ADGRL2: variants seen among roughly 807,000 people sequenced by gnomAD.
ADGRL2 encodes calcium-independent alpha-latrotoxin receptor 2.
A neutral mutation model predicts 157.4 loss-of-function variants in ADGRL2; 44 were observed. The ratio of observed to expected loss-of-function variants is 0.28; its 90% CI spans 0.22 to 0.36. The LOEUF (loss-of-function observed/expected upper bound fraction) is 0.36. Among genes scored for constraint, ADGRL2 ranks in the 10% least tolerant of loss-of-function variants. The pLI, the probability that ADGRL2 is intolerant of heterozygous loss-of-function variation, is 1.00. For missense variants in ADGRL2, 1,510 were observed against 1,768.9 expected, an observed-to-expected ratio of 0.85 and a Z score of 2.63; for synonymous variants, 585 against 624.7, an observed-to-expected ratio of 0.94 and a Z score of 0.95.
chr1:81,973,218 T>C (rs1173710761), intron 17 of ADGRL2, among the ~76,000 whole-genome samples: 1 of 152,176 alleles, frequency 6.6e-6, no homozygotes, highest in East Asian at 1.9e-4. Context: ...TGAATGCCTG[T>C]ATGAATTAAA....
intron 2 of ADGRL2, among the ~76,000 whole-genome samples, chr1:81,570,258 A>G (rs1052124098): frequency 1.2e-4 from 19 of 152,332 alleles, no homozygotes; most frequent in African/African-American, 4.3e-4. Context: ...TATTATTAGA[A>G]AAGTTAGACA....
At chr1:81,364,190 T>C (rs763092704) in intron 1 of ADGRL2, among the ~76,000 whole-genome samples, 1 of 147,994 alleles carries the variant, frequency 6.8e-6, no homozygotes, top group Non-Finnish European at 1.5e-5. Context: ...CAGAGGAAGG[T>C]TGAGCCTTGA....
At chr1:81,561,683 C>A (rs1437937205) in intron 2 of ADGRL2, among the ~76,000 whole-genome samples, 1 of 152,070 alleles carries the variant, frequency 6.6e-6, no homozygotes, top group African/African-American at 2.4e-5. Context: ...TGGTCTTGAA[C>A]TCCTGACCTC....
chr1:81,733,996 G>T (rs1166808511), intron 1 of ADGRL2, among the ~76,000 whole-genome samples: 1 of 152,102 alleles, frequency 6.6e-6, no homozygotes, highest in Non-Finnish European at 1.5e-5. Flanking sequence ...GTTAAAAAAG[G>T]CTGGGCGCAG....
At chr1:81,867,582 A>G (rs2093578223) in intron 2 of ADGRL2, among the ~76,000 whole-genome samples, 1 of 152,198 alleles carries the variant, frequency 6.6e-6, no homozygotes, top group African/African-American at 2.4e-5. Flanking sequence ...ATAATGTCTG[A>G]TTATCTGTAG....
chr1:81,506,916 G>T (rs147428004), intron 2 of ADGRL2, among the ~76,000 whole-genome samples: 146 of 152,190 alleles, frequency 9.6e-4, no homozygotes, highest in Middle Eastern at 6.8e-3. Flanking sequence ...TGTACAGAGG[G>T]CCTCCTCCAG....
At chr1:81,858,283 A>G (rs1225150747) in intron 2 of ADGRL2, among the ~76,000 whole-genome samples, 1 of 152,204 alleles carries the variant, frequency 6.6e-6, no homozygotes, top group Admixed American at 6.6e-5. Flanking sequence ...ATCCAATAAC[A>G]CATAGGACAC....
At chr1:81,543,295 T>A (rs1395043008) in intron 2 of ADGRL2, among the ~76,000 whole-genome samples, 1 of 151,676 alleles carries the variant, frequency 6.6e-6, no homozygotes, top group African/African-American at 2.4e-5. Flanking sequence ...GAGGGCTAAT[T>A]CCCTCACTAA....
intron 1 of ADGRL2, among the ~76,000 whole-genome samples, chr1:81,418,708 C>T (rs1002633248): frequency 5.9e-5 from 9 of 152,226 alleles, no homozygotes; most frequent in African/African-American, 2.2e-4. Context: ...GAGCTGAAAT[C>T]GGGCCTCTGC....
intron 1 of ADGRL2, among the ~76,000 whole-genome samples, chr1:81,369,040 G>A (rs2100972247): frequency 6.6e-6 from 1 of 152,156 alleles, no homozygotes; most frequent in East Asian, 1.9e-4. Context: ...AATCCAAAGT[G>A]ACAAGTGGTT....
chr1:81,590,607 G>C (rs772659874), intron 3 of ADGRL2, among the ~76,000 whole-genome samples: 5 of 152,086 alleles, frequency 3.3e-5, no homozygotes, highest in Non-Finnish European at 5.9e-5. Flanking sequence ...GAATCTCTCT[G>C]ATCAGCAAAT....
At chr1:81,873,784 C>T (rs939650096) in intron 2 of ADGRL2, among the ~76,000 whole-genome samples, 1 of 152,074 alleles carries the variant, frequency 6.6e-6, no homozygotes, top group Non-Finnish European at 1.5e-5. Context: ...ATGGAAATAT[C>T]TAATTCTTAC....
intron 2 of ADGRL2, among the ~76,000 whole-genome samples, chr1:81,490,757 T>C (rs1201288313): frequency 3.3e-5 from 5 of 152,204 alleles, no homozygotes; most frequent in Admixed American, 3.3e-4. Context: ...TTTTCCAAAG[T>C]GGAAGGTACT....
At chr1:81,661,600 C>T (rs1270794808) in intron 3 of ADGRL2, among the ~76,000 whole-genome samples, 1 of 152,170 alleles carries the variant, frequency 6.6e-6, no homozygotes, top group Non-Finnish European at 1.5e-5. Context: ...CTTACACAGT[C>T]TACAACAATT....
At chr1:81,426,270 G>A (rs888616283) in intron 1 of ADGRL2, among the ~76,000 whole-genome samples, 3 of 152,136 alleles carry the variant, frequency 2.0e-5, no homozygotes, top group Non-Finnish European at 2.9e-5. Flanking sequence ...CCTGTCATAT[G>A]AGGGTCTTGT....
At chr1:81,329,807 A>C (rs757990910) in intron 1 of ADGRL2, among the ~76,000 whole-genome samples, 2 of 152,158 alleles carry the variant, frequency 1.3e-5, no homozygotes, top group African/African-American at 2.4e-5. Flanking sequence ...AGAGAGGAAA[A>C]TTGCTGGTTT....
intron 2 of ADGRL2, among the ~76,000 whole-genome samples, chr1:81,887,241 AC>A (rs1228028441): frequency 2.0e-5 from 3 of 152,194 alleles, no homozygotes; most frequent in Non-Finnish European, 2.9e-5. Flanking sequence ...CAGAACAGCC[AC>A]CCAGGTAGTT....
chr1:81,491,104 C>A (rs1272411137), intron 2 of ADGRL2, among the ~76,000 whole-genome samples: 1 of 152,114 alleles, frequency 6.6e-6, no homozygotes, highest in African/African-American at 2.4e-5. Flanking sequence ...AATCCCACCC[C>A]CTTGAGAATA....
chr1:81,556,423 G>T (rs1203229902), intron 2 of ADGRL2, among the ~76,000 whole-genome samples: 3 of 144,626 alleles, frequency 2.1e-5, no homozygotes, highest in Non-Finnish European at 3.0e-5. Flanking sequence ...GGTTCAAAGT[G>T]CTGGGATCCC....
Sources: allele counts gnomAD v4.1 joint callset (sites outside exome capture counted in the v4.1 genomes callset), GRCh38; gene constraint gnomAD v4.1.1; transcripts MANE v1.5; gene names NCBI Gene and HGNC (gene_info 2026-07-23, HGNC 2026-07-21).